Variants in TIAM1 observed in about 807,000 individuals in gnomAD.
TIAM1 encodes rho guanine nucleotide exchange factor TIAM1.
TIAM1 carries 65 observed loss-of-function variants against 163.5 expected under a neutral mutation model. The ratio of observed to expected loss-of-function variants is 0.40; its 90% CI spans 0.33 to 0.49. The LOEUF (loss-of-function observed/expected upper bound fraction) is 0.49, where lower values mean the gene tolerates loss of function less well. Among genes scored for constraint, TIAM1 ranks in the 20% least tolerant of loss-of-function variants. The probability of loss-of-function intolerance (pLI) is 0.77; values close to 1 mark genes in which losing one functional copy is unlikely to be tolerated. For missense variants in TIAM1, 1,789 were observed against 2,044.7 expected (o/e 0.87, Z 2.41); for synonymous variants, 833 against 810.1 (o/e 1.03, Z -0.48).
intron 27 of TIAM1, among the ~76,000 whole-genome samples, chr21:31,121,252 G>A (rs569884259): frequency 6.6e-6 from 1 of 152,276 alleles, no homozygotes; most frequent in East Asian, 1.9e-4. Context: ...TCCTGGCCAT[G>A]TCCCATGGCC....
At chr21:31,479,767 C>T (rs1243591276) in intron 1 of TIAM1, among the ~76,000 whole-genome samples, 2 of 152,114 alleles carry the variant, frequency 1.3e-5, no homozygotes, top group African/African-American at 4.8e-5. Context: ...CAAAGTCCTC[C>T]AAGTGGGCTG....
intron 2 of TIAM1, among the ~76,000 whole-genome samples, chr21:31,317,605 C>A (rs2075171113): frequency 1.3e-5 from 2 of 152,200 alleles, no homozygotes; most frequent in African/African-American, 4.8e-5. Context: ...CACAGTGAAA[C>A]CCAGTCTCTA....
intron 3 of TIAM1, among the ~76,000 whole-genome samples, chr21:31,270,046 A>G (rs1471771347): frequency 6.6e-6 from 1 of 152,158 alleles, no homozygotes; most frequent in Non-Finnish European, 1.5e-5. Flanking sequence ...ATTTCTTCCT[A>G]TTCAATCTTA....
intron 11 of TIAM1, among the ~76,000 whole-genome samples, chr21:31,203,525 G>T (rs1306918605): frequency 6.6e-6 from 1 of 152,206 alleles, no homozygotes; most frequent in Non-Finnish European, 1.5e-5. Context: ...TGAACACACT[G>T]GTAACATTCC....
chr21:31,267,512 T>G (rs2072843486), intron 3 of TIAM1, among the ~76,000 whole-genome samples: 1 of 128,900 alleles, frequency 7.8e-6, no homozygotes, highest in Admixed American at 8.2e-5. Context: ...CGTTTCGTTT[T>G]TTCATTTTTT....
In TIAM1 at chr21:31,428,117, C is replaced by G. The variant is rs937506128; in HGVS notation, c.-369+35866G>C. Among the ~76,000 whole-genome samples the G allele has an allele frequency of 7.9e-5, 12 of 151,996 alleles. 1 individual carries two copies. The East Asian group carries it at 2.3e-3, about 30-fold the overall frequency. ...TCTCTACTAAAAATACAAAATTAGC[C>G]AGGCCTAGTGGCCTGTAATTTCAGC... On this transcript the variant is annotated intron_variant, in intron 2 of 28. Transcript: ENST00000286827.
At chr21:31,363,832 TG>T (rs1158082085) in intron 2 of TIAM1, among the ~76,000 whole-genome samples, 1 of 152,078 alleles carries the variant, frequency 6.6e-6, no homozygotes, top group Non-Finnish European at 1.5e-5. Context: ...TCTGGTTGGT[TG>T]GGGGGCAACC....
intron 1 of TIAM1, among the ~76,000 whole-genome samples, chr21:31,471,262 G>A (rs888971912): frequency 2.6e-5 from 4 of 152,140 alleles, no homozygotes; most frequent in Middle Eastern, 3.2e-3. Flanking sequence ...CAGCCCTTCC[G>A]GAGCCCAGAT....
intron 1 of TIAM1, among the ~76,000 whole-genome samples, chr21:31,511,643 C>T (rs147502267): frequency 4.3e-4 from 65 of 152,326 alleles, no homozygotes; most frequent in African/African-American, 1.5e-3. Context: ...ATGTCACCGA[C>T]GTATGCTTCT....
rs117585741 is a variant in TIAM1 at position 31,331,329 on chromosome 21, A to G, written c.-189+7914T>C. On this transcript the variant is annotated intron_variant, in intron 2 of 27. Transcript: ENST00000541036. ...CAAAACTGTAGGCATCTCAAGGCAG[A>G]TAGGTTCATCCTTTGGAAAAGGGGA... Among the ~76,000 whole-genome samples, 123 of 152,344 alleles carry G rather than the reference A, an allele frequency of 8.1e-4. 2 individuals carry two copies. The East Asian group carries it at 0.02, about 24-fold the overall frequency.
intron 2 of TIAM1, among the ~76,000 whole-genome samples, chr21:31,462,216 A>C (rs750295039): frequency 2.6e-5 from 4 of 152,208 alleles, no homozygotes; most frequent in Non-Finnish European, 4.4e-5. Context: ...TGTAACAAGA[A>C]AGCGCAGCTA....
intron 27 of TIAM1, among the ~76,000 whole-genome samples, chr21:31,123,596 A>G (rs189879905): frequency 1.1e-3 from 163 of 152,198 alleles, no homozygotes; most frequent in African/African-American, 3.7e-3. Flanking sequence ...GTCTATGAAA[A>G]CCTTCAAGCA....
At chr21:31,551,654 G>T (rs913880522) in intron 1 of TIAM1, among the ~76,000 whole-genome samples, 1 of 152,090 alleles carries the variant, frequency 6.6e-6, no homozygotes, top group Non-Finnish European at 1.5e-5. Flanking sequence ...GAGGCAGGAG[G>T]ATCGCTTGAG....
chr21:31,155,660 A>G (rs929777921), intron 16 of TIAM1, among the ~76,000 whole-genome samples: 172 of 152,044 alleles, frequency 1.1e-3, no homozygotes, highest in African/African-American at 3.9e-3. Flanking sequence ...GCCCGCCACC[A>G]CGCCCGGCTA....
chr21:31,293,901 T>C (rs1402238184), intron 2 of TIAM1, among the ~76,000 whole-genome samples: 7 of 152,230 alleles, frequency 4.6e-5, no homozygotes, highest in Admixed American at 3.3e-4. Flanking sequence ...TGGTAGTTTA[T>C]ACCACAGCTT....
chr21:31,336,562 A>G (rs1401200507), intron 2 of TIAM1, among the ~76,000 whole-genome samples: 1 of 149,760 alleles, frequency 6.7e-6, no homozygotes, highest in Non-Finnish European at 1.5e-5. Context: ...CCTGGAAGCA[A>G]CGTTGACATT....
At chr21:31,354,684 CA>C (rs1219512411) in intron 2 of TIAM1, among the ~76,000 whole-genome samples, 1 of 152,214 alleles carries the variant, frequency 6.6e-6, no homozygotes, top group Non-Finnish European at 1.5e-5. Flanking sequence ...AAGGATGACA[CA>C]GTTCCTGGCA....
intron 2 of TIAM1, among the ~76,000 whole-genome samples, chr21:31,422,196 CAA>C (rs1236427732): frequency 6.6e-6 from 1 of 151,940 alleles, no homozygotes; most frequent in Non-Finnish European, 1.5e-5. Context: ...AACCTACATA[CAA>C]AAGTCTCAAA....
In TIAM1 at chr21:31,266,811, C is replaced by T. The variant is rs763386533; in HGVS notation, c.162G>A (p.Val54=). 8.1e-6 allele frequency: 13 copies of T among 1,614,234 alleles called. 1 individual carries two copies. The South Asian group carries it at 1.3e-4, about 16-fold the overall frequency. The stretch of plus-strand genomic sequence containing the variant: ...TGGGGGTGCTGCTGGATCGGGTGCT[C>T]ACTTCGGAGTTCCTGTGGATCACCT... The part of the protein sequence containing the change: ...SGKVIHRNSE[V]STRSSSTPSI... Residue 54 remains valine, a synonymous_variant, in exon 4 of 28, where the codon GTG becomes GTA. Coordinates refer to ENST00000541036, the MANE Select transcript of TIAM1 (RefSeq NM_001353694.2).
Sources: gnomAD v4.1 joint callset for allele counts (sites outside exome capture counted in the v4.1 genomes callset) on GRCh38, gnomAD v4.1.1 for gene constraint, MANE v1.5 for transcripts, NCBI Gene and HGNC (gene_info 2026-07-23, HGNC 2026-07-21) for gene names.